The following GREB1L variants were observed in gnomAD, a reference collection of about 807,000 sequenced individuals.
The protein encoded by GREB1L is GREB1 like retinoic acid receptor coactivator, also known as GREB1-like protein.
GREB1L carries 17 observed loss-of-function variants against 200.8 expected under a neutral mutation model. That is an observed-to-expected ratio of 0.08 (90% CI 0.06 to 0.13). The LOEUF (loss-of-function observed/expected upper bound fraction) is 0.13. Among genes scored for constraint, GREB1L ranks in the 10% least tolerant of loss-of-function variants. The pLI, the probability that GREB1L is intolerant of heterozygous loss-of-function variation, is 1.00. For synonymous variants in GREB1L, 789 were observed against 893.0 expected (o/e 0.88, Z 2.08); for missense variants, 1,657 against 2,367.7 (o/e 0.70, Z 6.23).
intron 1 of GREB1L, among the ~76,000 whole-genome samples, chr18:21,338,388 C>T (rs1353944565): frequency 6.6e-6 from 1 of 152,254 alleles, no homozygotes; most frequent in Admixed American, 6.5e-5. Flanking sequence ...CAGGGAAAAT[C>T]AGTAGTAATT....
intron 1 of GREB1L, among the ~76,000 whole-genome samples, chr18:21,245,835 A>G (rs2037589363): frequency 6.6e-6 from 1 of 152,108 alleles, no homozygotes; most frequent in African/African-American, 2.4e-5. Context: ...CTCCTGCCTC[A>G]GCCTCCCTAG....
At chr18:21,279,521 A>G (rs568528288) in intron 1 of GREB1L, among the ~76,000 whole-genome samples, 1 of 152,338 alleles carries the variant, frequency 6.6e-6, no homozygotes, top group South Asian at 2.1e-4. Context: ...TTAGATACAT[A>G]ATATCTTAAT....
At chr18:21,275,318 A>G (rs1011801299) in intron 1 of GREB1L, among the ~76,000 whole-genome samples, 10 of 152,196 alleles carry the variant, frequency 6.6e-5, no homozygotes, top group Admixed American at 6.5e-4. Flanking sequence ...AATGTAGGAA[A>G]TAGGTTTAAA....
At chr18:21,271,821 T>G (rs2144290680) in intron 1 of GREB1L, among the ~76,000 whole-genome samples, 1 of 152,198 alleles carries the variant, frequency 6.6e-6, no homozygotes. Context: ...TGCGGTGGAC[T>G]TTCCATTAGG....
chr18:21,480,176 C>A (rs2035864358), intron 17 of GREB1L, among the ~76,000 whole-genome samples: 1 of 152,300 alleles, frequency 6.6e-6, no homozygotes, highest in South Asian at 2.1e-4. Context: ...TGTGGTGAAA[C>A]CCCATCTCTA....
chr18:21,288,033 G>T (rs1299776849), intron 1 of GREB1L, among the ~76,000 whole-genome samples: 2 of 151,998 alleles, frequency 1.3e-5, no homozygotes, highest in Non-Finnish European at 1.5e-5. Flanking sequence ...TCTATCTCCT[G>T]ACCTCATGAT....
chr18:21,428,003 A>T (rs1254363365), intron 7 of GREB1L, among the ~76,000 whole-genome samples: 1 of 151,010 alleles, frequency 6.6e-6, no homozygotes, highest in Admixed American at 6.6e-5. Flanking sequence ...ATCCTGGCTA[A>T]CAAGGTGAAA....
chr18:21,441,836 T>A (rs180764665), intron 10 of GREB1L, among the ~76,000 whole-genome samples: 1 of 152,272 alleles, frequency 6.6e-6, no homozygotes, highest in Admixed American at 6.5e-5. Context: ...CACTGTGACA[T>A]GTGAGCTCCT....
At chr18:21,521,342 G>C (rs2037593047) in intron 32 of GREB1L, among the ~76,000 whole-genome samples, 1 of 151,228 alleles carries the variant, frequency 6.6e-6, no homozygotes, top group Admixed American at 6.6e-5. Context: ...TTGCACTCCA[G>C]CCTGGGCAAC....
chr18:21,362,165 T>G (rs1452939498), intron 1 of GREB1L, among the ~76,000 whole-genome samples: 1 of 152,176 alleles, frequency 6.6e-6, no homozygotes, highest in African/African-American at 2.4e-5. Flanking sequence ...ATTCTGAGAT[T>G]ATGAAATATT....
intron 1 of GREB1L, among the ~76,000 whole-genome samples, chr18:21,358,157 C>T (rs2039531648): frequency 6.6e-6 from 1 of 151,882 alleles, no homozygotes. Context: ...GTGTACAGAC[C>T]TTTCACCTCC....
chr18:21,522,885 A>T lies in GREB1L; in HGVS notation c.*64A>T. 7.1e-7 allele frequency: 1 copy of T among 1,413,362 alleles called. No individual in the cohort carries two copies. The highest frequency in any genetic ancestry group is 1.5e-5 in the South Asian group (1 of 67,934). The allele number at this position is 1,413,362 out of a possible 1,614,324, so 87.6% of individuals were successfully genotyped here. ...TGGGATGGGACAGAAACAATTTGGG[A>T]TTTTTCTTTTTCCTTTAAAGTACAA... is the stretch of plus-strand genomic sequence containing the variant. On this transcript the variant is annotated 3_prime_UTR_variant, in exon 33 of 33. Coordinates refer to ENST00000424526, the MANE Select transcript of GREB1L (RefSeq NM_001142966.3).
intron 2 of GREB1L, among the ~76,000 whole-genome samples, chr18:21,368,314 C>G (rs2039748894): frequency 6.6e-6 from 1 of 152,118 alleles, no homozygotes; most frequent in Non-Finnish European, 1.5e-5. Context: ...TTGCCTAGAG[C>G]AAACCCACAG....
chr18:21,395,465 G>T lies in GREB1L; in HGVS notation c.436G>T (p.Val146Leu), dbSNP rs569155902. 6.5e-7 allele frequency: 1 copy of T among 1,549,378 alleles called. No homozygotes were observed. Among genetic ancestry groups the T allele is most frequent in the South Asian group, 1.2e-5 (1 of 84,002 alleles). The stretch of plus-strand genomic sequence containing the variant: ...TGACATCCCAGCAGGATTCCTCCTG[G>T]TGGGGGCCAAGTCTCCCAATCTGCC... Reference protein sequence around the residue: ...QIDIPAGFLLVGAKSPNLPEH... With the variant: ...QIDIPAGFLLLGAKSPNLPEH... The change falls in exon 5 of 33, where the codon GTG (valine) becomes TTG (leucine). Residue 146 changes from valine to leucine, a missense_variant. Around this residue, in one of 9 missense-constraint regions of GREB1L, gnomAD observed 70 missense variants for 151.3 expected, o/e 0.46. Coordinates refer to ENST00000424526, the MANE Select transcript of GREB1L (RefSeq NM_001142966.3).
At chr18:21,396,838 A>C (rs1219300798) in intron 5 of GREB1L, among the ~76,000 whole-genome samples, 4 of 152,236 alleles carry the variant, frequency 2.6e-5, no homozygotes, top group African/African-American at 9.6e-5. Flanking sequence ...ATAATTAAAA[A>C]GATAAGAGAG....
At chr18:21,331,068 G>A (rs2039100625) in intron 1 of GREB1L, among the ~76,000 whole-genome samples, 1 of 151,980 alleles carries the variant, frequency 6.6e-6, no homozygotes, top group African/African-American at 2.4e-5. Flanking sequence ...TTTTTTTCTG[G>A]CTTCAAAATC....
chr18:21,243,707 TAGG>T (rs2037547014), intron 1 of GREB1L, among the ~76,000 whole-genome samples: 1 of 152,240 alleles, frequency 6.6e-6, no homozygotes, highest in African/African-American at 2.4e-5. Context: ...TGAAATTTTC[TAGG>T]AGGTTTTGTG....
chr18:21,381,446 A>G (rs1248951854), intron 2 of GREB1L, among the ~76,000 whole-genome samples: 1 of 152,086 alleles, frequency 6.6e-6, no homozygotes, highest in Non-Finnish European at 1.5e-5. Flanking sequence ...TGAGGACCCC[A>G]TAGCATTTTT....
chr18:21,450,018 C>T (rs1236177257), intron 12 of GREB1L, among the ~76,000 whole-genome samples, 182 bp downstream of exon 12: 2 of 152,074 alleles, frequency 1.3e-5, no homozygotes, highest in Non-Finnish European at 2.9e-5. Flanking sequence ...TTGTGTAGCC[C>T]TCAGTTTGGC....
Sources: allele counts gnomAD v4.1 joint callset (sites outside exome capture counted in the v4.1 genomes callset), GRCh38; gene constraint gnomAD v4.1.1; regional missense constraint gnomAD v4.1.1; transcripts MANE v1.5; gene names NCBI Gene and HGNC (gene_info 2026-07-23, HGNC 2026-07-21).